The following LIMS1 variants were observed in gnomAD, a reference collection of about 807,000 sequenced individuals.
LIMS1 encodes LIM and senescent cell antigen-like-containing domain protein 1.
LIMS1 carries 18 observed loss-of-function variants against 44.1 expected under a neutral mutation model. The ratio of observed to expected loss-of-function variants is 0.41; its 90% CI spans 0.28 to 0.61. LIMS1 has a LOEUF of 0.61. LIMS1 is among the 20% of genes least tolerant of loss of function. LIMS1 has a pLI of 0.32. For synonymous variants in LIMS1, 93 were observed against 149.1 expected (o/e 0.62, Z 2.74); for missense variants, 201 against 422.0 (o/e 0.48, Z 4.59).
At chr2:108,570,602 A>G (rs1013768630) in intron 1 of LIMS1, among the ~76,000 whole-genome samples, 3 of 152,130 alleles carry the variant, frequency 2.0e-5, no homozygotes, top group African/African-American at 7.2e-5. Flanking sequence ...AGAAGATAAA[A>G]AAAGCTGAAC....
intron 1 of LIMS1, among the ~76,000 whole-genome samples, chr2:108,571,523 C>T (rs945640888): frequency 1.3e-5 from 2 of 152,062 alleles, no homozygotes; most frequent in African/African-American, 2.4e-5. Context: ...TAAACATTGG[C>T]GTACATAATT....
chr2:108,630,500 A>G (rs184945301), intron 1 of LIMS1, among the ~76,000 whole-genome samples: 4 of 147,012 alleles, frequency 2.7e-5, no homozygotes, highest in Admixed American at 2.7e-4. Context: ...CGTTATACTC[A>G]CTCGTTTAAT....
chr2:108,619,328 GA>G (rs1181694649), intron 1 of LIMS1, among the ~76,000 whole-genome samples: 1 of 151,724 alleles, frequency 6.6e-6, no homozygotes, highest in African/African-American at 2.4e-5. Flanking sequence ...GATGGTGGGG[GA>G]AAACAAGGAA....
intron 1 of LIMS1, among the ~76,000 whole-genome samples, chr2:108,572,061 T>C (rs1685497009): frequency 2.0e-5 from 3 of 152,234 alleles, no homozygotes; most frequent in Admixed American, 6.5e-5. Flanking sequence ...GTTGAGCTTA[T>C]GTCTAAATAC....
intron 1 of LIMS1, among the ~76,000 whole-genome samples, chr2:108,641,752 T>A (rs1250220691): frequency 6.6e-6 from 1 of 152,152 alleles, no homozygotes; most frequent in Non-Finnish European, 1.5e-5. Context: ...ATTCAAAAAT[T>A]AGGAAAAAAA....
intron 1 of LIMS1, among the ~76,000 whole-genome samples, chr2:108,558,159 C>T (rs6542772): frequency 0.46 from 69,087 of 151,828 alleles, 16,950 homozygotes; most frequent in East Asian, 0.96. Flanking sequence ...TGGATTGCCC[C>T]TTCTTTCCTT....
At chr2:108,562,068 A>G (rs1346232228) in intron 1 of LIMS1, among the ~76,000 whole-genome samples, 1 of 152,066 alleles carries the variant, frequency 6.6e-6, no homozygotes, top group Non-Finnish European at 1.5e-5. Context: ...TTATGTTACC[A>G]TTGTAATTGT....
In LIMS1 at chr2:108,683,876, TG is replaced by T. The variant is rs1693173438; in HGVS notation, c.900-8del. On this transcript the variant is annotated splice_region_variant and splice_polypyrimidine_tract_variant and intron_variant, in intron 9 of 9. Coordinates refer to ENST00000544547, the Ensembl canonical transcript of LIMS1. Reference sequence around the variant, plus strand: ...TAACTTCTTTTTTTTTATAATTTTTTGTCTTTAGGAATAAGTTTGTGGAGTT... The same window carrying T: ...TAACTTCTTTTTTTTTATAATTTTTTTCTTTAGGAATAAGTTTGTGGAGTT... The T allele has an allele frequency of 7.1e-7, 1 of 1,417,956 alleles. No homozygotes were observed. The highest frequency in any genetic ancestry group is 2.2e-5 in the Admixed American group (1 of 44,488). 87.8% of individuals were successfully genotyped at this position (1,417,956 alleles called of 1,614,324 possible). A position where few individuals can be genotyped will look rare whatever the true frequency, so the allele number is the denominator to read the frequency against.
chr2:108,620,689 T>C (rs1454194214), intron 1 of LIMS1, among the ~76,000 whole-genome samples: 3 of 152,078 alleles, frequency 2.0e-5, no homozygotes, highest in Admixed American at 1.3e-4. Context: ...GTAATTACAA[T>C]GAATGAAGGA....
intron 1 of LIMS1, among the ~76,000 whole-genome samples, chr2:108,600,084 C>G (rs2918738): frequency 0.022 from 2,618 of 121,198 alleles, 26 homozygotes; most frequent in African/African-American, 0.046. Flanking sequence ...CTCACTCACT[C>G]TGTCGCCAAG....
At chr2:108,592,349 G>A (rs1315347995) in intron 1 of LIMS1, among the ~76,000 whole-genome samples, 1 of 152,062 alleles carries the variant, frequency 6.6e-6, no homozygotes, top group African/African-American at 2.4e-5. Context: ...TACCCCAAAT[G>A]TTGCCACAAA....
intron 1 of LIMS1, among the ~76,000 whole-genome samples, chr2:108,648,294 C>T (rs889500235): frequency 2.0e-5 from 3 of 152,104 alleles, no homozygotes; most frequent in Non-Finnish European, 2.9e-5. Context: ...AACTACAAAC[C>T]ACTGCTCAAG....
chr2:108,555,092 G>A (rs942339942), intron 1 of LIMS1, among the ~76,000 whole-genome samples: 7 of 152,168 alleles, frequency 4.6e-5, no homozygotes, highest in African/African-American at 9.7e-5. Context: ...TTAGCCATGA[G>A]AATCCATTCT....
chr2:108,676,857 A>C (rs1692599334), intron 7 of LIMS1, 159 bp downstream of exon 7: 3 of 748,634 alleles, frequency 4.0e-6, no homozygotes, highest in African/African-American at 1.8e-5. Flanking sequence ...GAAGCTAACT[A>C]TAAAATATAC....
At chr2:108,604,965 A>G (rs1393709118) in intron 1 of LIMS1, among the ~76,000 whole-genome samples, 1 of 152,226 alleles carries the variant, frequency 6.6e-6, no homozygotes, top group African/African-American at 2.4e-5. Context: ...GAGTCTGAAC[A>G]GGATACTGAA....
chr2:108,597,930 G>T lies in LIMS1; in HGVS notation c.33-61675G>T, dbSNP rs187113659. Among the ~76,000 whole-genome samples, 241 of 152,126 alleles carry T rather than the reference G, an allele frequency of 1.6e-3. 1 individual carries two copies. The highest frequency in any genetic ancestry group is 2.6e-3 in the Non-Finnish European group (179 of 67,994). On this transcript the variant is annotated intron_variant, in intron 1 of 9. Transcript: ENST00000544547. Reference sequence around the variant, plus strand: ...GCTGGTCTTGAACTCCTGACCTGGTGATCCGCCCGCCTCAGCCTCCCAAAG... The same window carrying T: ...GCTGGTCTTGAACTCCTGACCTGGTTATCCGCCCGCCTCAGCCTCCCAAAG...
At chr2:108,646,520 A>G (rs1476570414) in intron 1 of LIMS1, among the ~76,000 whole-genome samples, 3 of 152,230 alleles carry the variant, frequency 2.0e-5, no homozygotes, top group Non-Finnish European at 4.4e-5. Flanking sequence ...TGCCCACAAG[A>G]GAAAGCAGGA....
At chr2:108,587,284 T>TGG (rs1279222358) in intron 1 of LIMS1, among the ~76,000 whole-genome samples, 5 of 139,730 alleles carry the variant, frequency 3.6e-5, no homozygotes, top group African/African-American at 1.1e-4. Flanking sequence ...GTTGTTTTCT[T>TGG]GGGGTTTGTG....
intron 1 of LIMS1, chr2:108,654,977 T>G (rs1028955247): frequency 6.6e-7 from 1 of 1,516,260 alleles, no homozygotes; most frequent in Admixed American, 2.2e-5. Context: ...ACAGTGGGAG[T>G]GACCCTGGCT....
Sources: allele counts gnomAD v4.1 joint callset (sites outside exome capture counted in the v4.1 genomes callset), GRCh38; gene constraint gnomAD v4.1.1; transcripts MANE v1.5; gene names NCBI Gene and HGNC (gene_info 2026-07-23, HGNC 2026-07-21).